OR4N2: variants seen among roughly 807,000 people sequenced by gnomAD.
OR4N2 encodes olfactory receptor family 4 subfamily N member 2, also known as olfactory receptor 4N2.
For missense variants in OR4N2, 307 were observed against 377.6 expected, an observed-to-expected ratio of 0.81 and a Z score of 1.55; for synonymous variants, 141 against 140.4, an observed-to-expected ratio of 1.00 and a Z score of -0.03.
chr14:19,822,571 A>G (rs1162040279), intron 1 of OR4N2: 1 of 152,282 alleles, frequency 6.6e-6, no homozygotes, highest in Non-Finnish European at 1.5e-5. Flanking sequence ...GCAATTTTAC[A>G]TGAAGGCATT....
rs1425888419 is a variant in OR4N2, at chr14:19,829,394, AC to A, written c.*1023del. ...CAAGAAACCATTCTAGCTATTTTAA[AC>A]AAAACATCATTTAATATCGAGAGTT... On this transcript the variant is annotated 3_prime_UTR_variant, in exon 2 of 2. Transcript: ENST00000557677. 9.2e-5 allele frequency: 14 copies of A among 152,256 alleles called. No individual in the cohort carries two copies. The highest frequency in any genetic ancestry group is 3.4e-4 in the African/African-American group (14 of 41,460). 9.4% of individuals were successfully genotyped at this position (152,256 alleles called of 1,614,324 possible). A position where few individuals can be genotyped will look rare whatever the true frequency, so the allele number is the denominator to read the frequency against.
intron 1 of OR4N2, among the ~76,000 whole-genome samples, chr14:19,815,191 A>G (rs1440205340): frequency 2.0e-5 from 3 of 152,238 alleles, no homozygotes; most frequent in African/African-American, 7.2e-5. Flanking sequence ...ATACCCAGTA[A>G]TGGGATTGCT....
intron 1 of OR4N2, among the ~76,000 whole-genome samples, chr14:19,817,208 A>C (rs1401679338): frequency 6.6e-6 from 1 of 152,174 alleles, no homozygotes; most frequent in African/African-American, 2.4e-5. Flanking sequence ...GGCCTCATAA[A>C]ATGAGTTAGG....
chr14:19,824,531 C>T (rs1879644175), intron 1 of OR4N2, among the ~76,000 whole-genome samples: 1 of 152,246 alleles, frequency 6.6e-6, no homozygotes, highest in Non-Finnish European at 1.5e-5. Flanking sequence ...ATACATAAAA[C>T]ACATGAGTAA....
At chr14:19,812,677 A>G (rs1329094860) in intron 1 of OR4N2, among the ~76,000 whole-genome samples, 1 of 152,128 alleles carries the variant, frequency 6.6e-6, no homozygotes, top group Non-Finnish European at 1.5e-5. Context: ...CTTTTTAATA[A>G]TAGTCCTTCT....
rs570166190 is a variant in OR4N2 at position 19,813,312 on chromosome 14, A to G, written c.-10+9468A>G. 2.6e-5 allele frequency among the ~76,000 whole-genome samples: 4 copies of G among 152,354 alleles called. No homozygotes were observed. The East Asian group carries it at 7.7e-4, about 29-fold the overall frequency. On this transcript the variant is annotated intron_variant, in intron 1 of 1. Coordinates refer to ENST00000557677, the MANE Select transcript of OR4N2 (RefSeq NM_001004723.3). Reference sequence around the variant, plus strand: ...TCTTTTTGTGGTTATATGGATTTGTAGACTGTGCATTTATATGGAATGCCA... The same window carrying G: ...TCTTTTTGTGGTTATATGGATTTGTGGACTGTGCATTTATATGGAATGCCA...
At chr14:19,824,023 C>T (rs1216558053) in intron 1 of OR4N2, among the ~76,000 whole-genome samples, 1 of 152,208 alleles carries the variant, frequency 6.6e-6, no homozygotes, top group Non-Finnish European at 1.5e-5. Context: ...TTCCCTATTT[C>T]TGTAGTGTGT....
rs1198120516 is a variant in OR4N2, at chr14:19,829,934, A to G, written c.*1562A>G. ...GCGTTGCTTCCTGTTTTAGTGAGAA[A>G]GGTAGCAGGTGAGAATTCCTTAATC... On this transcript the variant is annotated 3_prime_UTR_variant, in exon 2 of 2. Coordinates refer to ENST00000557677, the MANE Select transcript of OR4N2 (RefSeq NM_001004723.3). 2 of 152,280 alleles carry G rather than the reference A, an allele frequency of 1.3e-5. No homozygotes were observed. Among genetic ancestry groups the G allele is most frequent in the Non-Finnish European group, 2.9e-5 (2 of 68,052 alleles). 9.4% of individuals were successfully genotyped at this position (152,280 alleles called of 1,614,324 possible).
intron 1 of OR4N2, among the ~76,000 whole-genome samples, chr14:19,805,395 A>G (rs1879138024): frequency 6.6e-6 from 1 of 152,200 alleles, no homozygotes; most frequent in Non-Finnish European, 1.5e-5. Flanking sequence ...TTTAAGAAAG[A>G]ACCAAAGTGA....
chr14:19,812,329 C>CTTTTTTTTTTTTTTTTTTTTTTTTTTCT (rs3078143), intron 1 of OR4N2, among the ~76,000 whole-genome samples: 2 of 117,438 alleles, frequency 1.7e-5, no homozygotes, highest in African/African-American at 3.3e-5. Context: ...CTTTTCTTTT[C>CTTTTTTTTTTTTTTTTTTTTTTTTTTCT]TTTTTTTTTT....
chr14:19,821,161 C>T (rs1409146533), intron 1 of OR4N2, among the ~76,000 whole-genome samples: 3 of 152,272 alleles, frequency 2.0e-5, no homozygotes, highest in South Asian at 2.1e-4. Flanking sequence ...CAGTCTCTCA[C>T]GGCTTCCCTT....
intron 1 of OR4N2, among the ~76,000 whole-genome samples, chr14:19,810,576 G>A (rs1255888151): frequency 2.6e-5 from 4 of 152,032 alleles, no homozygotes; most frequent in African/African-American, 7.2e-5. Context: ...TAGCAAAGTT[G>A]CCATCAATGG....
intron 1 of OR4N2, among the ~76,000 whole-genome samples, chr14:19,807,937 A>T (rs182581528): frequency 6.6e-6 from 1 of 152,216 alleles, no homozygotes. Flanking sequence ...AATGTATGCA[A>T]ATCAATAAAT....
intron 1 of OR4N2, among the ~76,000 whole-genome samples, chr14:19,815,036 G>A (rs1456784152): frequency 3.3e-5 from 5 of 152,252 alleles, no homozygotes; most frequent in African/African-American, 1.2e-4. Flanking sequence ...ATTCCATAAT[G>A]TATATGTGAC....
chr14:19,821,523 C>G (rs1879565704), intron 1 of OR4N2, among the ~76,000 whole-genome samples: 1 of 152,162 alleles, frequency 6.6e-6, no homozygotes. Context: ...GCAATAATCT[C>G]TCATCATTTA....
intron 1 of OR4N2, among the ~76,000 whole-genome samples, chr14:19,814,775 A>G (rs1233552408): frequency 2.0e-5 from 3 of 152,186 alleles, no homozygotes; most frequent in Non-Finnish European, 4.4e-5. Flanking sequence ...GCACCCATCA[A>G]CCTGTCACCT....
At chr14:19,816,164 A>G (rs1879421738) in intron 1 of OR4N2, among the ~76,000 whole-genome samples, 1 of 150,770 alleles carries the variant, frequency 6.6e-6, no homozygotes, top group African/African-American at 2.4e-5. Flanking sequence ...TTTGCTTAGG[A>G]TTGTCTTGGC....
intron 1 of OR4N2, among the ~76,000 whole-genome samples, chr14:19,804,571 A>G (rs1368582359): frequency 6.6e-6 from 1 of 152,180 alleles, no homozygotes; most frequent in African/African-American, 2.4e-5. Context: ...TGTGGTTTGT[A>G]TGATTTTGGA....
intron 1 of OR4N2, among the ~76,000 whole-genome samples, chr14:19,826,566 C>T (rs917203275): frequency 6.6e-6 from 1 of 152,332 alleles, no homozygotes; most frequent in Non-Finnish European, 1.5e-5. Context: ...TACAGTGTAT[C>T]TATGCTATGA....
Sources: gnomAD v4.1 joint callset for allele counts (sites outside exome capture counted in the v4.1 genomes callset) on GRCh38, gnomAD v4.1.1 for gene constraint, MANE v1.5 for transcripts, NCBI Gene and HGNC (gene_info 2026-07-23, HGNC 2026-07-21) for gene names.